Variants in GRB2 observed in about 807,000 individuals in gnomAD.
GRB2 encodes the protein growth factor receptor-bound protein 2.
In GRB2, 2 loss-of-function variants were observed where a neutral mutation model predicts 27.4. The observed-to-expected ratio is 0.07, with a 90% CI of 0.03 to 0.23. The LOEUF (loss-of-function observed/expected upper bound fraction) is 0.23, where lower values mean the gene tolerates loss of function less well. Among genes scored for constraint, GRB2 ranks in the 10% least tolerant of loss-of-function variants. The pLI, the probability that GRB2 is intolerant of heterozygous loss-of-function variation, is 1.00. For synonymous variants in GRB2, 94 were observed against 99.6 expected (o/e 0.94, Z 0.33); for missense variants, 102 against 282.4 (o/e 0.36, Z 4.58).
chr17:75,370,437 C>A lies in GRB2; in HGVS notation c.78+23114G>T, dbSNP rs145115486. 4.8e-3 allele frequency among the ~76,000 whole-genome samples: 727 copies of A among 152,324 alleles called. 5 individuals are homozygous for A. Among genetic ancestry groups the A allele is most frequent in the African/African-American group, 0.016 (678 of 41,582 alleles). On this transcript the variant is annotated intron_variant, in intron 2 of 5. Coordinates refer to ENST00000316804, the MANE Select transcript of GRB2 (RefSeq NM_002086.5). ...TTCAATATCTTGTTCGGTTTGGATA[C>A]CTTCCAGGCTGGTACAGCTATGTTT...
At chr17:75,383,497 A>G (rs1250864655) in intron 2 of GRB2, among the ~76,000 whole-genome samples, 1 of 152,202 alleles carries the variant, frequency 6.6e-6, no homozygotes, top group Non-Finnish European at 1.5e-5. Flanking sequence ...AATAGCATTA[A>G]TAAAACTAAA....
chr17:75,390,543 GCCAAGA>G, intron 2 of GRB2, among the ~76,000 whole-genome samples: 1 of 152,222 alleles, frequency 6.6e-6, no homozygotes, highest in East Asian at 1.9e-4. Context: ...CCCTCCCCGA[GCCAAGA>G]AAAACACAAG....
chr17:75,367,136 G>C (rs2078825162), intron 2 of GRB2, among the ~76,000 whole-genome samples: 2 of 152,132 alleles, frequency 1.3e-5, no homozygotes, highest in South Asian at 4.2e-4. Flanking sequence ...ATGGGATCTA[G>C]TGTTGTCACA....
chr17:75,397,155 A>C (rs1050612317), intron 1 of GRB2, among the ~76,000 whole-genome samples: 7 of 152,232 alleles, frequency 4.6e-5, no homozygotes, highest in Non-Finnish European at 8.8e-5. Flanking sequence ...GAGTAAAAAA[A>C]CAGAAAACTC....
chr17:75,364,209 A>T (rs1426485775), intron 2 of GRB2, among the ~76,000 whole-genome samples: 1 of 152,216 alleles, frequency 6.6e-6, no homozygotes, highest in Non-Finnish European at 1.5e-5. Flanking sequence ...TGCCTCTACT[A>T]GTGAACTCAA....
At position 75,380,291 on chromosome 17, in the gene GRB2, T is replaced by C. The variant is rs145636982; in HGVS notation, c.78+13260A>G. On this transcript the variant is annotated intron_variant, in intron 2 of 5. Coordinates refer to ENST00000316804, the MANE Select transcript of GRB2 (RefSeq NM_002086.5). ...TGCAAACTGACATCTGGAAAACTAC[T>C]GTAGTGTTTTTGTTTTTTACTGCTT... Among the ~76,000 whole-genome samples the C allele has an allele frequency of 3.2e-4, 48 of 152,042 alleles. No individual in the cohort carries two copies. In the East Asian group the frequency reaches 7.3e-3, roughly 23 times the overall value.
At chr17:75,351,684 TAAAC>T (rs1163296333) in intron 2 of GRB2, among the ~76,000 whole-genome samples, 1 of 151,806 alleles carries the variant, frequency 6.6e-6, no homozygotes, top group Non-Finnish European at 1.5e-5. Context: ...TTCTCCACCA[TAAAC>T]AAAGACAAAG....
intron 1 of GRB2, among the ~76,000 whole-genome samples, chr17:75,397,317 A>C (rs1042800036): frequency 6.6e-6 from 1 of 152,224 alleles, no homozygotes; most frequent in Non-Finnish European, 1.5e-5. Context: ...CACAATGTAT[A>C]ATGATTTTAA....
chr17:75,380,381 T>C (rs2078920593), intron 2 of GRB2, among the ~76,000 whole-genome samples: 1 of 150,898 alleles, frequency 6.6e-6, no homozygotes, highest in Non-Finnish European at 1.5e-5. Context: ...AAATGCACCA[T>C]ATAGAAAGTT....
At chr17:75,391,388 T>C (rs1390759551) in intron 2 of GRB2, among the ~76,000 whole-genome samples, 1 of 152,140 alleles carries the variant, frequency 6.6e-6, no homozygotes. Context: ...AATAATAGGA[T>C]GGGAAAGAAG....
At chr17:75,338,519 T>C (rs534447496) in intron 2 of GRB2, among the ~76,000 whole-genome samples, 10 of 152,350 alleles carry the variant, frequency 6.6e-5, no homozygotes, top group African/African-American at 2.2e-4. Context: ...GGAATGTTTT[T>C]AGCTATTACC....
chr17:75,396,607 C>CA (rs1464888993), intron 1 of GRB2, among the ~76,000 whole-genome samples: 3 of 151,890 alleles, frequency 2.0e-5, no homozygotes, highest in African/African-American at 7.3e-5. Context: ...AGGCTGGTCT[C>CA]AAACTCCTGG....
At chr17:75,343,924 T>C (rs1021847312) in intron 2 of GRB2, among the ~76,000 whole-genome samples, 1 of 152,116 alleles carries the variant, frequency 6.6e-6, no homozygotes, top group Admixed American at 6.5e-5. Context: ...TCAACAATCA[T>C]ATGATGACCT....
At position 75,393,760 on chromosome 17, in the gene GRB2, GC is replaced by G; in HGVS notation, c.-133del. 1.4e-6 allele frequency: 1 copy of G among 690,316 alleles called. No individual in the cohort carries two copies. The highest frequency in any genetic ancestry group is 2.6e-6 in the Non-Finnish European group (1 of 390,088). 42.8% of individuals were successfully genotyped at this position (690,316 alleles called of 1,614,324 possible). ...GCTCCGGCACTCTGGGACACACAAT[GC>G]CACCCTGAAGCAGGAGAGGGACGAT... On this transcript the variant is annotated 5_prime_UTR_variant, in exon 2 of 6. Transcript: ENST00000316804.
intron 4 of GRB2, among the ~76,000 whole-genome samples, chr17:75,322,791 C>T (rs1200415377): frequency 1.3e-5 from 2 of 148,898 alleles, no homozygotes; most frequent in Non-Finnish European, 1.5e-5. Context: ...CTAGCGAGGG[C>T]GCTTCTGCCT....
chr17:75,340,523 C>T (rs940423727), intron 2 of GRB2, among the ~76,000 whole-genome samples: 1 of 152,190 alleles, frequency 6.6e-6, no homozygotes, highest in African/African-American at 2.4e-5. Flanking sequence ...AGAAAACACA[C>T]ATGCATGCAT....
At chr17:75,336,748 T>G (rs192771394) in intron 2 of GRB2, among the ~76,000 whole-genome samples, 21 of 152,308 alleles carry the variant, frequency 1.4e-4, no homozygotes, top group Admixed American at 8.5e-4. Context: ...ATTTTTTTTT[T>G]TGAGAGAGTC....
At chr17:75,381,996 G>A (rs757523604) in intron 2 of GRB2, among the ~76,000 whole-genome samples, 6 of 151,844 alleles carry the variant, frequency 4.0e-5, no homozygotes, top group Admixed American at 1.3e-4. Flanking sequence ...AGGCTGAGGC[G>A]GGTGGATCAC....
intron 2 of GRB2, among the ~76,000 whole-genome samples, chr17:75,345,639 G>C (rs367699344): frequency 1.3e-5 from 2 of 152,114 alleles, no homozygotes; most frequent in East Asian, 1.9e-4. Context: ...ATCGGGAAAG[G>C]CTTGTTATAA....
Sources: gnomAD v4.1 joint callset for allele counts (sites outside exome capture counted in the v4.1 genomes callset) on GRCh38, gnomAD v4.1.1 for gene constraint, MANE v1.5 for transcripts, NCBI Gene and HGNC (gene_info 2026-07-23, HGNC 2026-07-21) for gene names.